The following IQCM variants were observed in gnomAD, a reference collection of about 807,000 sequenced individuals.
IQCM encodes the protein IQ domain-containing protein M.
IQCM carries 45 observed loss-of-function variants against 57.6 expected under a neutral mutation model. The observed-to-expected ratio is 0.78, with a 90% CI of 0.62 to 1.00. The LOEUF is 1.00. Among genes scored for constraint, IQCM ranks in the 50% least tolerant of loss-of-function variants. The probability of loss-of-function intolerance (pLI) is 0.00; values close to 1 mark genes in which losing one functional copy is unlikely to be tolerated. For synonymous variants in IQCM, 148 were observed against 158.9 expected (o/e 0.93, Z 0.51); for missense variants, 468 against 511.6 (o/e 0.91, Z 0.82).
chr4:149,432,503 A>G (rs948199251), intron 13 of IQCM, among the ~76,000 whole-genome samples: 1 of 152,016 alleles, frequency 6.6e-6, no homozygotes, highest in Admixed American at 6.6e-5. Flanking sequence ...ATTAACCCCA[A>G]ATCAACCACA....
At chr4:149,632,039 T>C (rs563670572) in intron 7 of IQCM, among the ~76,000 whole-genome samples, 1 of 152,274 alleles carries the variant, frequency 6.6e-6, no homozygotes, top group Admixed American at 6.5e-5. Context: ...AAAACCTAGG[T>C]GAATGAACAG....
intron 8 of IQCM, among the ~76,000 whole-genome samples, chr4:149,599,671 G>A (rs750814271): frequency 1.2e-4 from 19 of 152,048 alleles, no homozygotes; most frequent in South Asian, 4.1e-4. Flanking sequence ...GTGGTAATAC[G>A]TTTGGCAGAT....
intron 6 of IQCM, among the ~76,000 whole-genome samples, chr4:149,683,897 G>T (rs1762372878): frequency 6.6e-6 from 1 of 151,200 alleles, no homozygotes; most frequent in Non-Finnish European, 1.5e-5. Flanking sequence ...TCCTCATTCT[G>T]TTATGAAATT....
rs1037530687 is a variant in IQCM at position 149,722,640 on chromosome 4, T to A, written c.385+10604A>T. 2.0e-5 allele frequency among the ~76,000 whole-genome samples: 3 copies of A among 152,070 alleles called. No individual in the cohort carries two copies. The East Asian group carries it at 5.8e-4, about 29-fold the overall frequency. On this transcript the variant is annotated intron_variant, in intron 5 of 13. Transcript: ENST00000636793. ...TTCTGGGTCCTCTATTCTGTTCTATTGACTTGTGTGTCTACTTTTACATCA... is the reference window on the plus strand; with the variant it reads ...TTCTGGGTCCTCTATTCTGTTCTATAGACTTGTGTGTCTACTTTTACATCA...
intron 2 of IQCM, among the ~76,000 whole-genome samples, chr4:149,798,660 C>A (rs1264510801): frequency 6.6e-6 from 1 of 151,944 alleles, no homozygotes; most frequent in East Asian, 1.9e-4. Context: ...AAAGATAGTC[C>A]ATTCCAATAG....
chr4:149,438,588 C>T (rs955958939), intron 12 of IQCM, among the ~76,000 whole-genome samples: 1 of 151,846 alleles, frequency 6.6e-6, no homozygotes, highest in Non-Finnish European at 1.5e-5. Flanking sequence ...TTTTGTCATG[C>T]CATTTTTATC....
intron 12 of IQCM, among the ~76,000 whole-genome samples, chr4:149,480,603 A>G (rs1740675264): frequency 6.6e-6 from 1 of 152,126 alleles, no homozygotes; most frequent in South Asian, 2.1e-4. Flanking sequence ...ATTCTTTCTT[A>G]TAGTTGAATA....
Position 149,626,406 on chromosome 4 carries a change from A to ATATATATATATATATATATATAT in IQCM, c.566-5163_566-5162insATATATATATATATATATATATA, listed in dbSNP as rs1756810430. On this transcript the variant is annotated intron_variant, in intron 7 of 13. Coordinates refer to ENST00000636793, the MANE Select transcript of IQCM (RefSeq NM_001363507.2). ...TACTTAATAAACATATATATATATA[A>ATATATATATATATATATATATAT]GTTTATAGCAAATAAGACATACTAT... Among the ~76,000 whole-genome samples the ATATATATATATATATATATATAT allele has an allele frequency of 5.1e-5, 3 of 58,782 alleles. 1 individual carries two copies. Among genetic ancestry groups the ATATATATATATATATATATATAT allele is most frequent in the South Asian group, 1.6e-3 (2 of 1,274 alleles). 38.6% of individuals were successfully genotyped at this position (58,782 alleles called of 152,430 possible).
intron 12 of IQCM, among the ~76,000 whole-genome samples, chr4:149,514,348 T>C (rs1744723929): frequency 6.6e-6 from 1 of 152,166 alleles, no homozygotes. Flanking sequence ...TCCTCAAACA[T>C]TATTATGACC....
chr4:149,539,807 G>A (rs1007353105), intron 12 of IQCM, among the ~76,000 whole-genome samples: 2 of 152,136 alleles, frequency 1.3e-5, no homozygotes, highest in African/African-American at 2.4e-5. Context: ...GGGGGTTGCA[G>A]TGAGCCAAGA....
intron 7 of IQCM, among the ~76,000 whole-genome samples, chr4:149,648,772 T>C (rs1758885225): frequency 6.6e-6 from 1 of 151,924 alleles, no homozygotes; most frequent in African/African-American, 2.4e-5. Context: ...AAGGGAGGGA[T>C]AGCATTAGCA....
intron 12 of IQCM, among the ~76,000 whole-genome samples, chr4:149,535,822 G>C (rs541010673): frequency 4.1e-4 from 62 of 152,148 alleles, no homozygotes; most frequent in African/African-American, 1.4e-3. Flanking sequence ...TGACTGTAGG[G>C]TAAGACAGGA....
chr4:149,424,010 T>A (rs1734298748), intron 13 of IQCM, among the ~76,000 whole-genome samples: 1 of 151,932 alleles, frequency 6.6e-6, no homozygotes, highest in African/African-American at 2.4e-5. Context: ...TTATCCTTAG[T>A]TTGAAAACAT....
At chr4:149,581,099 G>C (rs1752136913) in intron 9 of IQCM, among the ~76,000 whole-genome samples, 1 of 151,662 alleles carries the variant, frequency 6.6e-6, no homozygotes, top group South Asian at 2.1e-4. Context: ...AGTAGGATTT[G>C]GTGGTTGGGG....
At chr4:149,547,575 TACAGC>T (rs1434932176) in intron 12 of IQCM, among the ~76,000 whole-genome samples, 1 of 152,204 alleles carries the variant, frequency 6.6e-6, no homozygotes, top group African/African-American at 2.4e-5. Flanking sequence ...GGATCTAATG[TACAGC>T]ATGGTGACTG....
At chr4:149,532,246 AAT>A (rs1469833341) in intron 12 of IQCM, among the ~76,000 whole-genome samples, 1 of 152,162 alleles carries the variant, frequency 6.6e-6, no homozygotes, top group Non-Finnish European at 1.5e-5. Context: ...TAAGAGCAGC[AAT>A]ATGTCTTTTA....
At chr4:149,362,637 A>G (rs1440491039) in intron 13 of IQCM, among the ~76,000 whole-genome samples, 1 of 152,130 alleles carries the variant, frequency 6.6e-6, no homozygotes, top group Non-Finnish European at 1.5e-5. Flanking sequence ...CTCCTCAGCC[A>G]TGTGGAACTG....
rs577637420 is a variant in IQCM at position 149,359,653 on chromosome 4, T to C, written c.1391-7587A>G. Among the ~76,000 whole-genome samples the C allele has an allele frequency of 1.6e-4, 25 of 152,328 alleles. 1 individual carries two copies. Among genetic ancestry groups the C allele is most frequent in the Middle Eastern group, 3.4e-3 (1 of 294 alleles). ...GATTTTCAGAAATGGGATATTTCTT[T>C]TTCTCAAAGGTTTGAAGTATTATTG... is the stretch of plus-strand genomic sequence containing the variant. On this transcript the variant is annotated intron_variant, in intron 13 of 13. Transcript: ENST00000636793.
intron 2 of IQCM, among the ~76,000 whole-genome samples, chr4:149,755,900 C>A (rs1023215342): frequency 6.6e-6 from 1 of 152,146 alleles, no homozygotes; most frequent in Non-Finnish European, 1.5e-5. Context: ...TCTTTCCCCT[C>A]CCTGCCTGCT....
Sources: gnomAD v4.1 joint callset for allele counts (sites outside exome capture counted in the v4.1 genomes callset) on GRCh38, gnomAD v4.1.1 for gene constraint, MANE v1.5 for transcripts, NCBI Gene and HGNC (gene_info 2026-07-23, HGNC 2026-07-21) for gene names.